ACTN4: variants seen among roughly 807,000 people sequenced by gnomAD.
ACTN4 encodes the protein actinin alpha 4, also known as alpha-actinin-4.
ACTN4 carries 18 observed loss-of-function variants against 114.2 expected under a neutral mutation model. The observed-to-expected ratio is 0.16, with a 90% CI of 0.11 to 0.23. The LOEUF is 0.23. Among genes scored for constraint, ACTN4 ranks in the 10% least tolerant of loss-of-function variants. The pLI is 1.00. For synonymous variants in ACTN4, 515 were observed against 506.3 expected (o/e 1.02, Z -0.23); for missense variants, 722 against 1,262.9 (o/e 0.57, Z 6.49).
chr19:38,659,313 T>C (rs546149869), intron 1 of ACTN4, among the ~76,000 whole-genome samples: 1 of 152,132 alleles, frequency 6.6e-6, no homozygotes, highest in Admixed American at 6.6e-5. Flanking sequence ...CACCTAGGCC[T>C]CCCAAAGTGC....
chr19:38,673,784 A>ATTTTTTTT (rs58144950), intron 1 of ACTN4, among the ~76,000 whole-genome samples: 4 of 67,848 alleles, frequency 5.9e-5, no homozygotes, highest in Non-Finnish European at 8.4e-5. Context: ...TATATGTATA[A>ATTTTTTTT]TTTTTTTTTT....
chr19:38,714,426 G>C, intron 8 of ACTN4, 43 bp from the exon 9 acceptor site: 1 of 1,591,024 alleles, frequency 6.3e-7, no homozygotes, highest in Non-Finnish European at 8.6e-7. Flanking sequence ...AGGAGGGAGG[G>C]TGGCCAGCCC....
At chr19:38,716,820 T>A (rs1322213946) in intron 9 of ACTN4, among the ~76,000 whole-genome samples, 2 of 152,194 alleles carry the variant, frequency 1.3e-5, no homozygotes, top group African/African-American at 4.8e-5. Context: ...CGTGAACCTG[T>A]CTTTAAAAAG....
intron 11 of ACTN4, among the ~76,000 whole-genome samples, chr19:38,720,901 C>T (rs1185580917): frequency 6.6e-6 from 1 of 152,214 alleles, no homozygotes; most frequent in Non-Finnish European, 1.5e-5. Flanking sequence ...TCCCTAAAGA[C>T]CTTCACTTGC....
intron 1 of ACTN4, among the ~76,000 whole-genome samples, chr19:38,676,726 TC>T (rs1967388426): frequency 6.6e-6 from 1 of 152,156 alleles, no homozygotes; most frequent in Non-Finnish European, 1.5e-5. Flanking sequence ...CCACAGCTTC[TC>T]CTGAAGCAGC....
At chr19:38,675,357 T>C (rs1280898035) in intron 1 of ACTN4, among the ~76,000 whole-genome samples, 1 of 152,194 alleles carries the variant, frequency 6.6e-6, no homozygotes, top group Non-Finnish European at 1.5e-5. Flanking sequence ...TCATGGCTCA[T>C]TGCAGCCTTA....
Position 38,717,821 on chromosome 19 carries a change from G to A in ACTN4, c.1144-106G>A. Reference sequence around the variant, plus strand: ...TAATAGCAAAGCATGACACAGACATGACCCCAGCCAAGTTCTGCCACCTTC... The same window carrying A: ...TAATAGCAAAGCATGACACAGACATAACCCCAGCCAAGTTCTGCCACCTTC... On this transcript the variant is annotated intron_variant, in intron 10 of 20. Transcript: ENST00000252699. The surrounding 1 kb of genome is among the most constrained non-coding windows in gnomAD (Gnocchi z 4.0). The A allele has an allele frequency of 6.9e-7, 1 of 1,457,354 alleles. No homozygotes were observed. Among genetic ancestry groups the A allele is most frequent in the Non-Finnish European group, 9.4e-7 (1 of 1,067,588 alleles). 90.3% of individuals were successfully genotyped at this position (1,457,354 alleles called of 1,614,324 possible).
At chr19:38,707,026 G>A (rs1255600695) in intron 5 of ACTN4, among the ~76,000 whole-genome samples, 1 of 152,192 alleles carries the variant, frequency 6.6e-6, no homozygotes, top group Admixed American at 6.5e-5. Context: ...TCCACCCTCT[G>A]AGTCTCCTGG....
At chr19:38,693,651 A>G (rs1968001436) in intron 1 of ACTN4, 1 of 152,208 alleles carries the variant, frequency 6.6e-6, no homozygotes, top group Non-Finnish European at 1.5e-5. Flanking sequence ...CTGCTGCCAC[A>G]TTCCTGGGTG....
intron 1 of ACTN4, among the ~76,000 whole-genome samples, chr19:38,663,445 C>T (rs930488741): frequency 6.6e-6 from 1 of 152,118 alleles, no homozygotes; most frequent in African/African-American, 2.4e-5. Context: ...CCACATGAGA[C>T]CTCAGAAGGA....
intron 1 of ACTN4, among the ~76,000 whole-genome samples, chr19:38,688,673 G>T (rs1030234228): frequency 6.6e-6 from 1 of 152,022 alleles, no homozygotes; most frequent in Admixed American, 6.6e-5. Context: ...GCTGCAGTGA[G>T]CTATGATGAC....
intron 19 of ACTN4, among the ~76,000 whole-genome samples, chr19:38,728,685 C>A (rs966333833): frequency 6.6e-6 from 1 of 152,218 alleles, no homozygotes; most frequent in Admixed American, 6.5e-5. Context: ...TCCTCCAGAG[C>A]TTACTCGTGA....
At chr19:38,711,362 G>A in intron 8 of ACTN4, 2 of 1,034,518 alleles carry the variant, frequency 1.9e-6, no homozygotes, top group Non-Finnish European at 2.3e-6. Context: ...GGCTCAGAAG[G>A]TGAGCTGGGC....
intron 1 of ACTN4, among the ~76,000 whole-genome samples, chr19:38,662,329 T>C (rs1350446751): frequency 2.0e-5 from 3 of 152,236 alleles, no homozygotes; most frequent in Non-Finnish European, 1.5e-5. Flanking sequence ...GTTACCTTCA[T>C]GGGTTGTCTA....
chr19:38,659,407 T>C (rs1440503509), intron 1 of ACTN4, among the ~76,000 whole-genome samples: 1 of 152,162 alleles, frequency 6.6e-6, no homozygotes, highest in Non-Finnish European at 1.5e-5. Flanking sequence ...AGGATAGAAT[T>C]GAATCCATTG....
intron 6 of ACTN4, among the ~76,000 whole-genome samples, chr19:38,708,903 C>T (rs1012094066): frequency 7.9e-5 from 12 of 152,060 alleles, no homozygotes; most frequent in Non-Finnish European, 1.8e-4. Flanking sequence ...AGCTGGGCCC[C>T]GGCCAGGGAG....
chr19:38,703,010 T>C (rs529455434), intron 3 of ACTN4, among the ~76,000 whole-genome samples: 275 of 152,206 alleles, frequency 1.8e-3, no homozygotes, highest in Non-Finnish European at 3.0e-3. Context: ...CGCCCCTCTG[T>C]CTTCTTTGGA....
At chr19:38,696,939 A>G (rs1342482167) in intron 1 of ACTN4, among the ~76,000 whole-genome samples, 2 of 152,232 alleles carry the variant, frequency 1.3e-5, no homozygotes. Flanking sequence ...CCTTCCTTTG[A>G]CATGCATTTA....
At chr19:38,688,482 A>G (rs1967819675) in intron 1 of ACTN4, among the ~76,000 whole-genome samples, 1 of 150,862 alleles carries the variant, frequency 6.6e-6, no homozygotes, top group African/African-American at 2.4e-5. Flanking sequence ...GAGGTGGGAG[A>G]ATCGCTTGAA....
Sources: gnomAD v4.1 joint callset for allele counts (sites outside exome capture counted in the v4.1 genomes callset) on GRCh38, gnomAD v4.1.1 for gene constraint, Gnocchi (gnomAD v3.1) non-coding constraint, MANE v1.5 for transcripts, NCBI Gene and HGNC (gene_info 2026-07-23, HGNC 2026-07-21) for gene names.